RIC1: variants seen among roughly 807,000 people sequenced by gnomAD.
The protein encoded by RIC1 is guanine nucleotide exchange factor subunit RIC1.
Under a neutral mutation model 169.0 loss-of-function variants are expected in RIC1, and 88 were observed. That is an observed-to-expected ratio of 0.52 (90% confidence interval 0.44 to 0.62). RIC1 has a LOEUF of 0.62. Ranked by LOEUF, RIC1 falls within the 20% of genes least tolerant of loss-of-function variation. RIC1 has a pLI of 0.00. For missense variants in RIC1, 1,877 were observed against 1,725.5 expected (o/e 1.09, Z -1.56); for synonymous variants, 790 against 601.5 (o/e 1.31, Z -4.59).
intron 12 of RIC1, among the ~76,000 whole-genome samples, chr9:5,750,341 G>C (rs886122300): frequency 7.2e-5 from 11 of 151,864 alleles, no homozygotes; most frequent in African/African-American, 2.2e-4. Flanking sequence ...TGGTTTGATG[G>C]TTAGCTTGGC....
At chr9:5,711,435 T>G (rs1009014176) in intron 3 of RIC1, among the ~76,000 whole-genome samples, 2 of 152,170 alleles carry the variant, frequency 1.3e-5, no homozygotes, top group African/African-American at 4.8e-5. Flanking sequence ...ACAGAATTAA[T>G]AGTTTATTAG....
intron 1 of RIC1, among the ~76,000 whole-genome samples, chr9:5,639,965 A>G (rs1056818127): frequency 1.3e-5 from 2 of 152,122 alleles, no homozygotes; most frequent in African/African-American, 4.8e-5. Context: ...ATACCTTTGT[A>G]TGTGAAGTGT....
At chr9:5,662,716 A>G (rs905770266) in intron 2 of RIC1, among the ~76,000 whole-genome samples, 3 of 151,766 alleles carry the variant, frequency 2.0e-5, no homozygotes, top group Non-Finnish European at 2.9e-5. Context: ...TGTTTATTTA[A>G]ATCTTCTCTT....
intron 2 of RIC1, among the ~76,000 whole-genome samples, chr9:5,677,314 G>T (rs911596988): frequency 6.6e-6 from 1 of 152,104 alleles, no homozygotes; most frequent in African/African-American, 2.4e-5. Flanking sequence ...TATTTGTTAT[G>T]TGTGTGTCTT....
intron 1 of RIC1, among the ~76,000 whole-genome samples, chr9:5,649,557 G>T (rs1202456343): frequency 6.6e-6 from 1 of 151,870 alleles, no homozygotes; most frequent in Non-Finnish European, 1.5e-5. Flanking sequence ...TATCTTTTTG[G>T]TGAATTTTTC....
chr9:5,651,656 T>A (rs1486862334), intron 1 of RIC1, among the ~76,000 whole-genome samples: 1 of 149,406 alleles, frequency 6.7e-6, no homozygotes, highest in Non-Finnish European at 1.5e-5. Flanking sequence ...CTCCACCTCC[T>A]GGGTTCAAGT....
Position 5,768,983 on chromosome 9 carries a change from A to T in RIC1, c.3151A>T (p.Ser1051Cys). The change falls in exon 22 of 26, where the codon AGT becomes TGT. Residue 1051 changes from serine (S) to cysteine (C), a missense_variant. This residue lies in a region of RIC1 where 681 missense variants were observed against 582.0 expected (regional missense o/e 1.17). Transcript: ENST00000414202. The stretch of plus-strand genomic sequence containing the variant: ...TTCCACTTACAGATGGAGCAAAGAC[A>T]GTGACTGTGCTGAGAACATGTATAT... ...GPSGKRWSKD[S>C]DCAENMYIDM... 6.2e-7 allele frequency: 1 copy of T among 1,609,088 alleles called. No individual in the cohort carries two copies. The highest frequency in any genetic ancestry group is 1.1e-5 in the South Asian group (1 of 90,160).
intron 17 of RIC1, among the ~76,000 whole-genome samples, chr9:5,757,913 G>A (rs1196791336): frequency 6.6e-6 from 1 of 152,156 alleles, no homozygotes; most frequent in East Asian, 1.9e-4. Context: ...AGTGAAAGAG[G>A]ATATGAGTCT....
At chr9:5,747,548 A>G (rs755103696) in intron 12 of RIC1, 43 bp downstream of exon 12, 1 of 1,478,584 alleles carries the variant, frequency 6.8e-7, no homozygotes. Context: ...ATTCTTTGAT[A>G]GGATATCACC....
intron 2 of RIC1, among the ~76,000 whole-genome samples, chr9:5,684,990 C>T (rs1354013872): frequency 4.6e-5 from 7 of 151,450 alleles, no homozygotes; most frequent in Admixed American, 4.6e-4. Context: ...TAAACCCCAA[C>T]CCTGCATTCT....
At chr9:5,727,753 C>T (rs1337441353) in intron 6 of RIC1, among the ~76,000 whole-genome samples, 1 of 152,146 alleles carries the variant, frequency 6.6e-6, no homozygotes, top group Non-Finnish European at 1.5e-5. Flanking sequence ...GTTAGTTTTC[C>T]TTCTAACAGT....
chr9:5,713,951 G>C lies in RIC1; in HGVS notation c.388G>C (p.Ala130Pro), dbSNP rs754757420. ...TTTTAAGGAAGAACAGTGTGCTCCA[G>C]CATTAAATTTGGAGATGAGGAAAAT... ...PHFKEEQCAPALNLEMRKILD... is the reference protein window; with the variant it reads ...PHFKEEQCAPPLNLEMRKILD... The change falls in exon 4 of 26, where the codon GCA becomes CCA. Residue 130 changes from alanine to proline, a missense_variant. Physicochemically the swap from Ala to Pro is conservative, Grantham distance 27 (BLOSUM62 -1). Transcript: ENST00000414202. 4.3e-6 allele frequency: 7 copies of C among 1,613,070 alleles called. No individual in the cohort carries two copies. In the African/African-American group the frequency reaches 9.3e-5, roughly 22 times the overall value.
intron 20 of RIC1, 26 bp from the exon 21 acceptor site, chr9:5,765,636 G>GTAC: frequency 1.9e-6 from 3 of 1,614,068 alleles, no homozygotes; most frequent in Non-Finnish European, 2.5e-6. Flanking sequence ...TTCTCTAATG[G>GTAC]TACTGCATAT....
chr9:5,633,590 G>T (rs13291643), intron 1 of RIC1, among the ~76,000 whole-genome samples: 4 of 151,942 alleles, frequency 2.6e-5, no homozygotes, highest in Non-Finnish European at 4.4e-5. Flanking sequence ...GCTTTGTTGA[G>T]GTATAATTGA....
chr9:5,727,034 G>T, intron 6 of RIC1, among the ~76,000 whole-genome samples: 1 of 152,068 alleles, frequency 6.6e-6, no homozygotes, highest in East Asian at 1.9e-4. Flanking sequence ...TATGTGTCTT[G>T]GAGTTGCTCT....
chr9:5,757,871 T>A (rs1826098722), intron 17 of RIC1, among the ~76,000 whole-genome samples: 1 of 152,180 alleles, frequency 6.6e-6, no homozygotes, highest in African/African-American at 2.4e-5. Context: ...CTCAGGGAAT[T>A]GGAAGAATTT....
At chr9:5,734,132 A>C (rs1265068126) in intron 7 of RIC1, among the ~76,000 whole-genome samples, 1 of 150,544 alleles carries the variant, frequency 6.6e-6, no homozygotes, top group Non-Finnish European at 1.5e-5. Context: ...TTTTTGAGAC[A>C]GTCTCGCTCT....
intron 1 of RIC1, among the ~76,000 whole-genome samples, chr9:5,646,564 C>T (rs992856272): frequency 2.6e-5 from 4 of 152,108 alleles, no homozygotes; most frequent in Non-Finnish European, 2.9e-5. Context: ...TAGTAATATG[C>T]TATATAGGCT....
chr9:5,701,225 T>C (rs1431495245), intron 3 of RIC1, among the ~76,000 whole-genome samples: 1 of 152,208 alleles, frequency 6.6e-6, no homozygotes, highest in African/African-American at 2.4e-5. Flanking sequence ...GATGTGTACA[T>C]AGCACTCCTG....
Sources: gnomAD v4.1 joint callset for allele counts (sites outside exome capture counted in the v4.1 genomes callset) on GRCh38, gnomAD v4.1.1 for gene constraint, gnomAD v4.1.1 regional missense constraint, MANE v1.5 for transcripts, NCBI Gene and HGNC (gene_info 2026-07-23, HGNC 2026-07-21) for gene names.